EPB41L5: variants seen among roughly 807,000 people sequenced by gnomAD.
EPB41L5 encodes the protein erythrocyte membrane protein band 4.1 like 5, also known as band 4.1-like protein 5.
In EPB41L5, 55 loss-of-function variants were observed where a neutral mutation model predicts 106.6. That is an observed-to-expected ratio of 0.52 (90% CI 0.42 to 0.65). The LOEUF (loss-of-function observed/expected upper bound fraction) is 0.65, where lower values mean the gene tolerates loss of function less well. Among genes scored for constraint, EPB41L5 ranks in the 30% least tolerant of loss-of-function variants. The pLI is 0.00. For missense variants in EPB41L5, 871 were observed against 882.1 expected (o/e 0.99, Z 0.16); for synonymous variants, 297 against 306.7 (o/e 0.97, Z 0.33).
intron 1 of EPB41L5, among the ~76,000 whole-genome samples, chr2:120,018,391 C>T (rs1162987653): frequency 6.6e-6 from 1 of 152,100 alleles, no homozygotes; most frequent in East Asian, 1.9e-4. Flanking sequence ...GAATGTTTGC[C>T]TTCTCCTGCC....
chr2:120,124,589 TTA>T (rs1385039549), intron 16 of EPB41L5, among the ~76,000 whole-genome samples: 2 of 152,224 alleles, frequency 1.3e-5, no homozygotes, highest in African/African-American at 4.8e-5. Context: ...ATAGGTTTTT[TTA>T]TGTTATACTC....
intron 3 of EPB41L5, among the ~76,000 whole-genome samples, chr2:120,045,275 T>G (rs964659357): frequency 2.0e-5 from 3 of 152,224 alleles, no homozygotes; most frequent in Admixed American, 6.5e-5. Flanking sequence ...TCTTCTTATA[T>G]AGACATATAA....
intron 19 of EPB41L5, among the ~76,000 whole-genome samples, chr2:120,144,856 A>G (rs951663480): frequency 6.6e-6 from 1 of 152,238 alleles, no homozygotes; most frequent in Admixed American, 6.5e-5. Flanking sequence ...TTGGTTTATC[A>G]TTCAAAACCC....
intron 14 of EPB41L5, among the ~76,000 whole-genome samples, chr2:120,096,687 G>A (rs1258276882): frequency 3.9e-5 from 6 of 152,160 alleles, no homozygotes; most frequent in African/African-American, 1.4e-4. Flanking sequence ...CTACTCTGGA[G>A]GCTGAGACAG....
chr2:120,121,896 T>C (rs903240009), intron 16 of EPB41L5, among the ~76,000 whole-genome samples: 2 of 152,206 alleles, frequency 1.3e-5, no homozygotes, highest in Non-Finnish European at 2.9e-5. Context: ...TGGGATCTCA[T>C]TGTGGTTTTG....
intron 21 of EPB41L5, among the ~76,000 whole-genome samples, chr2:120,163,980 CTTTTTTTT>C (rs70949387): frequency 4.4e-5 from 3 of 68,140 alleles, no homozygotes; most frequent in Non-Finnish European, 5.4e-5. Context: ...TTTGTATTTA[CTTTTTTTT>C]TTTTTTTTTT....
At chr2:120,134,426 C>CT (rs1685835908) in intron 18 of EPB41L5, among the ~76,000 whole-genome samples, 1 of 152,066 alleles carries the variant, frequency 6.6e-6, no homozygotes, top group Admixed American at 6.6e-5. Context: ...ACGGAAGAAC[C>CT]TTTGGGCCTT....
At chr2:120,079,864 C>T (rs1682519490) in intron 10 of EPB41L5, among the ~76,000 whole-genome samples, 1 of 152,140 alleles carries the variant, frequency 6.6e-6, no homozygotes, top group Admixed American at 6.6e-5. Context: ...TATCTTGAGA[C>T]TTCCCTTTCC....
chr2:120,107,604 C>G (rs1684525606), intron 16 of EPB41L5, among the ~76,000 whole-genome samples: 1 of 152,104 alleles, frequency 6.6e-6, no homozygotes, highest in Non-Finnish European at 1.5e-5. Flanking sequence ...CCAGCCTCTT[C>G]CCCTACCCCC....
Position 120,143,111 on chromosome 2 carries a change from C to T in EPB41L5, c.1708C>T (p.Gln570Ter). The T allele has an allele frequency of 6.2e-7, 1 of 1,602,560 alleles. No homozygotes were observed. The highest frequency in any genetic ancestry group is 8.5e-7 in the Non-Finnish European group (1 of 1,175,792). Residue 570 changes from glutamine to a stop codon, truncating the protein, a stop_gained, in exon 19 of 25, where the codon CAA (glutamine) becomes TAA (stop). Transcript: ENST00000263713. LOFTEE classifies it high-confidence loss of function. Reference protein sequence around the residue: ...PDFKSNILKAQVEAVHKVTKE... With the variant: ...PDFKSNILKA ...CTTCAAGAGTAACATTTTGAAGGCT[C>T]AAGTAGAAGCAGTGCATAAGGTAAG...
At chr2:120,131,325 T>G (rs1038507277) in intron 17 of EPB41L5, among the ~76,000 whole-genome samples, 9 of 152,200 alleles carry the variant, frequency 5.9e-5, no homozygotes, top group African/African-American at 2.2e-4. Flanking sequence ...TTGGGTCTCT[T>G]GGCTAGGTAA....
chr2:120,071,503 G>A (rs1681865187), intron 3 of EPB41L5, among the ~76,000 whole-genome samples: 1 of 152,184 alleles, frequency 6.6e-6, no homozygotes, highest in Admixed American at 6.5e-5. Context: ...GAAGCCGGAG[G>A]CATCACGCTA....
At chr2:120,020,486 T>C (rs1574465561) in intron 2 of EPB41L5, among the ~76,000 whole-genome samples, 1 of 152,242 alleles carries the variant, frequency 6.6e-6, no homozygotes, top group Non-Finnish European at 1.5e-5. Context: ...GTATTTGTTA[T>C]CTTTGTCTAT....
chr2:120,136,497 A>T (rs1685930718), intron 18 of EPB41L5, among the ~76,000 whole-genome samples: 1 of 150,990 alleles, frequency 6.6e-6, no homozygotes, highest in Admixed American at 6.6e-5. Context: ...CCCAATGATC[A>T]GCTGCCTACA....
At chr2:120,143,606 C>G (rs558338584) in intron 19 of EPB41L5, among the ~76,000 whole-genome samples, 16 of 152,268 alleles carry the variant, frequency 1.1e-4, no homozygotes, top group African/African-American at 3.8e-4. Flanking sequence ...GACTTTCAAA[C>G]TTACATTCTG....
At chr2:120,074,437 C>T in intron 5 of EPB41L5, 2 of 327,704 alleles carry the variant, frequency 6.1e-6, no homozygotes, top group East Asian at 5.4e-5. Context: ...GTATCACTCT[C>T]AACTCAGGAA....
At chr2:120,160,133 G>T (rs1035643178) in intron 20 of EPB41L5, among the ~76,000 whole-genome samples, 2 of 152,154 alleles carry the variant, frequency 1.3e-5, no homozygotes, top group African/African-American at 4.8e-5. Context: ...TTAATACCTG[G>T]CTGACAGAAT....
In EPB41L5 at chr2:120,106,196, C is replaced by T. The variant is rs1052795016; in HGVS notation, c.1337+5382C>T. The T allele has an allele frequency of 1.0e-5, 10 of 985,234 alleles. No homozygotes were observed. The East Asian group carries it at 7.9e-4, about 78-fold the overall frequency. The allele number at this position is 985,234 out of a possible 1,614,324, so 61.0% of individuals were successfully genotyped here. ...AACCTTGTTGTAAAGAATTGATTTG[C>T]GAATTCCTGATGAGAGAAACTGGAT... On this transcript the variant is annotated intron_variant, in intron 16 of 24. Coordinates refer to ENST00000263713, the MANE Select transcript of EPB41L5 (RefSeq NM_020909.4).
intron 16 of EPB41L5, among the ~76,000 whole-genome samples, chr2:120,115,572 A>G (rs1023066152): frequency 6.6e-6 from 1 of 151,332 alleles, no homozygotes; most frequent in Non-Finnish European, 1.5e-5. Flanking sequence ...TTTTATTTTT[A>G]GTAGAGACGG....
Sources: allele counts gnomAD v4.1 joint callset (sites outside exome capture counted in the v4.1 genomes callset), GRCh38; gene constraint gnomAD v4.1.1; transcripts MANE v1.5; gene names NCBI Gene and HGNC (gene_info 2026-07-23, HGNC 2026-07-21).